Variants in PDE3B observed in about 807,000 individuals in gnomAD.
PDE3B encodes cGMP-inhibited 3',5'-cyclic phosphodiesterase 3B.
Under a neutral mutation model 116.8 loss-of-function variants are expected in PDE3B, and 66 were observed. The ratio of observed to expected loss-of-function variants is 0.56; its 90% CI spans 0.46 to 0.69. The LOEUF is 0.69. Ranked by LOEUF, PDE3B falls within the 30% of genes least tolerant of loss-of-function variation. PDE3B has a pLI of 0.00. For missense variants in PDE3B, 1,384 were observed against 1,368.1 expected (o/e 1.01, Z -0.18); for synonymous variants, 595 against 533.6 (o/e 1.12, Z -1.59).
the PDE3B span, among the ~76,000 whole-genome samples, chr11:14,882,105 C>A: frequency 6.6e-6 from 1 of 152,044 alleles, no homozygotes; most frequent in Non-Finnish European, 1.5e-5. Flanking sequence ...TCTATACTCC[C>A]AGATGACTAT....
chr11:14,664,218 C>T (rs559016546), intron 1 of PDE3B, among the ~76,000 whole-genome samples: 10 of 152,150 alleles, frequency 6.6e-5, no homozygotes, highest in East Asian at 3.9e-4. Flanking sequence ...TTGAAACCAA[C>T]GAGAACAAAG....
At chr11:14,852,270 G>A (rs552738177) in intron 12 of PDE3B, among the ~76,000 whole-genome samples, 1 of 152,062 alleles carries the variant, frequency 6.6e-6, no homozygotes, top group African/African-American at 2.4e-5. Flanking sequence ...TGACCAGGCT[G>A]GTCTCAAACT....
the PDE3B span, chr11:14,890,463 A>G: frequency 1.0e-6 from 1 of 981,430 alleles, no homozygotes; most frequent in Non-Finnish European, 1.2e-6. Context: ...CCCTTTAACA[A>G]CGTAAACTAT....
the PDE3B span, chr11:14,892,004 T>G: frequency 6.2e-7 from 1 of 1,613,456 alleles, no homozygotes; most frequent in South Asian, 1.1e-5. Context: ...TGGCTCTGCT[T>G]TCTCATGTAG....
At chr11:14,898,175 T>A in the PDE3B span, among the ~76,000 whole-genome samples, 2 of 151,720 alleles carry the variant, frequency 1.3e-5, no homozygotes, top group Non-Finnish European at 2.9e-5. Flanking sequence ...GTGTTTTGCC[T>A]CTCGGTGGAT....
chr11:14,894,141 A>G, the PDE3B span, among the ~76,000 whole-genome samples: 1 of 152,212 alleles, frequency 6.6e-6, no homozygotes, highest in African/African-American at 2.4e-5. Context: ...GTGTCACAGT[A>G]TCTGCAGCCA....
chr11:14,668,208 A>G (rs1854244513), intron 1 of PDE3B, among the ~76,000 whole-genome samples: 1 of 152,098 alleles, frequency 6.6e-6, no homozygotes, highest in Non-Finnish European at 1.5e-5. Flanking sequence ...TCTTTTTGTA[A>G]CAGAGTCCTA....
At chr11:14,785,457 G>A (rs1271388561) in intron 2 of PDE3B, among the ~76,000 whole-genome samples, 1 of 152,058 alleles carries the variant, frequency 6.6e-6, no homozygotes, top group Non-Finnish European at 1.5e-5. Context: ...GTTCCAAAAT[G>A]TATTGGGGAT....
At chr11:14,657,842 A>C (rs1241979616) in intron 1 of PDE3B, among the ~76,000 whole-genome samples, 1 of 152,220 alleles carries the variant, frequency 6.6e-6, no homozygotes, top group Non-Finnish European at 1.5e-5. Flanking sequence ...ATAACACCCA[A>C]ATTCCCTGCC....
chr11:14,773,737 G>A (rs1199626958), intron 2 of PDE3B: 2 of 151,568 alleles, frequency 1.3e-5, no homozygotes, highest in African/African-American at 4.8e-5. Context: ...TTTTTTTGTT[G>A]TTGTTCCTTC....
intron 14 of PDE3B, among the ~76,000 whole-genome samples, chr11:14,863,744 A>C (rs1401443999): frequency 1.3e-5 from 2 of 152,204 alleles, no homozygotes; most frequent in African/African-American, 4.8e-5. Flanking sequence ...CTTTACACGC[A>C]AGCAAATACT....
chr11:14,868,192 T>C (rs1848082043), intron 15 of PDE3B, among the ~76,000 whole-genome samples: 1 of 152,176 alleles, frequency 6.6e-6, no homozygotes, highest in Non-Finnish European at 1.5e-5. Flanking sequence ...CTTATTTAAT[T>C]AAAGTAACAT....
chr11:14,783,634 G>T (rs956798321), intron 2 of PDE3B, among the ~76,000 whole-genome samples: 12 of 152,054 alleles, frequency 7.9e-5, no homozygotes, highest in Non-Finnish European at 1.2e-4. Context: ...GGGAGGGATA[G>T]CTAGCATTGG....
intron 1 of PDE3B, among the ~76,000 whole-genome samples, chr11:14,663,800 G>A (rs1276246100): frequency 6.6e-6 from 1 of 152,130 alleles, no homozygotes; most frequent in Non-Finnish European, 1.5e-5. Context: ...AAGAGACTTA[G>A]ACTCCCACAC....
In PDE3B at chr11:14,789,308, G is replaced by A. The variant is rs1483393866; in HGVS notation, c.1415+66G>A. 8.2e-6 allele frequency: 10 copies of A among 1,220,514 alleles called. No homozygotes were observed. In the East Asian group the frequency reaches 1.9e-4, roughly 23 times the overall value. 75.6% of individuals were successfully genotyped at this position (1,220,514 alleles called of 1,614,324 possible). A position where few individuals can be genotyped will look rare whatever the true frequency, so the allele number is the denominator to read the frequency against. On this transcript the variant is annotated intron_variant, in intron 4 of 15. Coordinates refer to ENST00000282096, the MANE Select transcript of PDE3B (RefSeq NM_000922.4). ...CATCTACTTTGTTTCTGTCAATAAT[G>A]TTTCAAATAGTTCTGGAAGCAGAAA...
At chr11:14,759,918 A>C (rs912870199) in intron 1 of PDE3B, among the ~76,000 whole-genome samples, 6 of 152,282 alleles carry the variant, frequency 3.9e-5, no homozygotes, top group Admixed American at 6.5e-5. Context: ...CCAGAAGTTA[A>C]ATAATGCATT....
At chr11:14,737,626 T>A (rs1027364371) in intron 1 of PDE3B, among the ~76,000 whole-genome samples, 2 of 152,228 alleles carry the variant, frequency 1.3e-5, no homozygotes, top group Non-Finnish European at 2.9e-5. Context: ...CCATTTTTTT[T>A]ATTATTATAC....
At chr11:14,706,956 A>G (rs561744952) in intron 1 of PDE3B, among the ~76,000 whole-genome samples, 3 of 152,024 alleles carry the variant, frequency 2.0e-5, no homozygotes, top group Admixed American at 2.0e-4. Context: ...AATATTGAGT[A>G]CCTGGTATGT....
At chr11:14,749,137 C>T (rs1856990578) in intron 1 of PDE3B, among the ~76,000 whole-genome samples, 1 of 152,140 alleles carries the variant, frequency 6.6e-6, no homozygotes, top group African/African-American at 2.4e-5. Flanking sequence ...GATGCACCTG[C>T]CTCGGCTTCC....
Sources: allele counts gnomAD v4.1 joint callset (sites outside exome capture counted in the v4.1 genomes callset), GRCh38; gene constraint gnomAD v4.1.1; transcripts MANE v1.5; gene names NCBI Gene and HGNC (gene_info 2026-07-23, HGNC 2026-07-21).